NECAB2: variants seen among roughly 807,000 people sequenced by gnomAD.
NECAB2 encodes N-terminal EF-hand calcium binding protein 2.
In NECAB2, 68 loss-of-function variants were observed where a neutral mutation model predicts 51.9. The observed-to-expected ratio is 1.31, with a 90% CI of 1.08 to 1.60. The LOEUF is 1.60. Ranked by LOEUF, NECAB2 falls within the 40% of genes most tolerant of loss-of-function variation. NECAB2 has a pLI of 0.00. For missense variants in NECAB2, 854 were observed against 490.3 expected, an observed-to-expected ratio of 1.74 and a Z score of -7.00; for synonymous variants, 329 against 203.5, an observed-to-expected ratio of 1.62 and a Z score of -5.25.
chr16:83,996,342 G>T (rs2084698453), intron 8 of NECAB2, among the ~76,000 whole-genome samples: 1 of 152,202 alleles, frequency 6.6e-6, no homozygotes, highest in Non-Finnish European at 1.5e-5. Flanking sequence ...CCCTTGCCAG[G>T]ATCAGCTACT....
At chr16:83,966,059 C>G (rs1215015075), upstream of NECAB2, 2 of 1,362,288 alleles carry the variant, frequency 1.5e-6, no homozygotes, top group African/African-American at 2.9e-5. Context: ...GAGATGACCA[C>G]ATCCCTGCTG....
In NECAB2 at chr16:84,002,568, AG is replaced by A; in HGVS notation, c.*227del. The stretch of plus-strand genomic sequence containing the variant: ...AGGTCCTGGTGAAGCCCAAGGTTGA[AG>A]GGGGCGGCTTCCTGGAGCCAGCACC... On this transcript the variant is annotated 3_prime_UTR_variant, in exon 13 of 13. Coordinates refer to ENST00000305202, the MANE Select transcript of NECAB2 (RefSeq NM_019065.3). 1 of 620,130 alleles carries A rather than the reference AG, an allele frequency of 1.6e-6. No individual in the cohort carries two copies. The highest frequency in any genetic ancestry group is 2.8e-6 in the Non-Finnish European group (1 of 355,624). The allele number at this position is 620,130 out of a possible 1,614,324, so 38.4% of individuals were successfully genotyped here.
At chr16:84,001,698 G>A in intron 11 of NECAB2, 127 bp from the exon 12 acceptor site, 2 of 953,742 alleles carry the variant, frequency 2.1e-6, no homozygotes, top group Non-Finnish European at 3.2e-6. Context: ...CAAAGGCTCT[G>A]AGTCCAAAGA....
At chr16:83,975,704 G>T (rs73246949) in intron 2 of NECAB2, among the ~76,000 whole-genome samples, 1,587 of 152,262 alleles carry the variant, frequency 0.01, 24 homozygotes, top group African/African-American at 0.036. Context: ...GCAGAGGGCT[G>T]AGTGGCAGAC....
chr16:84,000,995 C>G (rs1465121509), intron 11 of NECAB2, among the ~76,000 whole-genome samples, 194 bp downstream of exon 11: 3 of 151,772 alleles, frequency 2.0e-5, no homozygotes, highest in African/African-American at 7.3e-5. Flanking sequence ...TAGTGAGAGC[C>G]CCCACCACAC....
At chr16:83,984,051 A>G (rs1161600180) in intron 5 of NECAB2, among the ~76,000 whole-genome samples, 1 of 142,686 alleles carries the variant, frequency 7.0e-6, no homozygotes, top group African/African-American at 2.7e-5. Flanking sequence ...GCTGGAGTGC[A>G]GTGGCACAGT....
In NECAB2 at chr16:83,999,368, G is replaced by A; in HGVS notation, c.962+1051G>A. Among the ~76,000 whole-genome samples, 3 of 152,318 alleles carry A rather than the reference G, an allele frequency of 2.0e-5. No individual in the cohort carries two copies. In the Middle Eastern group the frequency reaches 0.01, roughly 518 times the overall value. Reference sequence around the variant, plus strand: ...TACGTGAATAAGTGGGAGGCTCCAGGGTGAAGTAGGGCCACCCCGATGCGC... The same window carrying A: ...TACGTGAATAAGTGGGAGGCTCCAGAGTGAAGTAGGGCCACCCCGATGCGC... On this transcript the variant is annotated intron_variant, in intron 10 of 12. Coordinates refer to ENST00000305202, the MANE Select transcript of NECAB2 (RefSeq NM_019065.3).
At chr16:83,984,608 T>C (rs567639456) in intron 5 of NECAB2, among the ~76,000 whole-genome samples, 16 of 152,144 alleles carry the variant, frequency 1.1e-4, no homozygotes, top group African/African-American at 3.4e-4. Context: ...GATGTGTCTG[T>C]AGTTCCCACC....
upstream of NECAB2, chr16:83,965,209 G>C (rs1170867469): frequency 4.3e-6 from 7 of 1,612,996 alleles, no homozygotes; most frequent in Non-Finnish European, 5.9e-6. Context: ...GCAGCTGTGG[G>C]GCCCAGGACT....
chr16:83,966,938 G>T (rs1213565402), upstream of NECAB2, among the ~76,000 whole-genome samples: 1 of 151,924 alleles, frequency 6.6e-6, no homozygotes, highest in African/African-American at 2.4e-5. Context: ...GTGCTGTGGC[G>T]CTTGGTTCAC....
chr16:83,990,413 C>T (rs2084607257), intron 5 of NECAB2, 81 bp from the exon 6 acceptor site: 5 of 1,539,238 alleles, frequency 3.2e-6, no homozygotes, highest in Middle Eastern at 3.4e-4. Flanking sequence ...CACCAGCTTT[C>T]CCCCAACTCC....
intron 2 of NECAB2, among the ~76,000 whole-genome samples, chr16:83,972,913 G>C (rs1434218543): frequency 1.3e-5 from 2 of 152,174 alleles, no homozygotes; most frequent in East Asian, 3.9e-4. Flanking sequence ...AAAAATACCA[G>C]AATCATTATT....
At chr16:83,998,969 G>C (rs1327788943) in intron 10 of NECAB2, among the ~76,000 whole-genome samples, 1 of 152,148 alleles carries the variant, frequency 6.6e-6, no homozygotes, top group East Asian at 1.9e-4. Flanking sequence ...TGCTGGTAGT[G>C]GTCCCCCGCC....
upstream of NECAB2, among the ~76,000 whole-genome samples, chr16:83,967,922 ATGGATGGGAGGATGGG>A (rs1177205810): frequency 6.8e-6 from 1 of 146,054 alleles, no homozygotes; most frequent in East Asian, 2.2e-4. Flanking sequence ...GGCCGGATGG[ATGGATGGGAGGATGGG>A]TGGATGGATG....
rs746419906 is a variant in NECAB2, at chr16:84,000,709, C to T, written c.963-15C>T. On this transcript the variant is annotated splice_polypyrimidine_tract_variant and intron_variant, in intron 10 of 12. Coordinates refer to ENST00000305202, the MANE Select transcript of NECAB2 (RefSeq NM_019065.3). ...TGAGCTCCAGCCTCCTCCCCCCGAC[C>T]ATCTCCTGTTGCAGCATCACTGCCG... The T allele has an allele frequency of 6.2e-6, 10 of 1,613,414 alleles. No individual in the cohort carries two copies. In the East Asian group the frequency reaches 1.1e-4, roughly 18 times the overall value.
intron 10 of NECAB2, among the ~76,000 whole-genome samples, chr16:84,000,090 C>A (rs1299336908): frequency 1.3e-5 from 2 of 151,374 alleles, no homozygotes; most frequent in African/African-American, 4.9e-5. Flanking sequence ...CAGTGTTTTG[C>A]CATGTTGGCT....
chr16:83,996,603 A>G (rs2084702756), intron 8 of NECAB2, among the ~76,000 whole-genome samples: 1 of 98,818 alleles, frequency 1.0e-5, no homozygotes, highest in Non-Finnish European at 2.7e-5. Flanking sequence ...CGTCAGGTAG[A>G]CACACTGGGT....
chr16:83,982,939 C>T (rs7193474), intron 5 of NECAB2, among the ~76,000 whole-genome samples: 1 of 151,372 alleles, frequency 6.6e-6, no homozygotes, highest in African/African-American at 2.4e-5. Context: ...TACAATGTCG[C>T]CTCACTGCAA....
In NECAB2 at chr16:83,968,578, G is replaced by A. The variant is rs1313341866; in HGVS notation, c.-71G>A. On this transcript the variant is annotated 5_prime_UTR_variant, in exon 1 of 13. Coordinates refer to ENST00000305202, the MANE Select transcript of NECAB2 (RefSeq NM_019065.3). Reference sequence around the variant, plus strand: ...GCGGCGCGGGCAGCGCGGGGAGGGGGTCGCGCGGGGGCGGGCCGCAGCTGG... The same window carrying A: ...GCGGCGCGGGCAGCGCGGGGAGGGGATCGCGCGGGGGCGGGCCGCAGCTGG... 3 of 966,648 alleles carry A rather than the reference G, an allele frequency of 3.1e-6. No individual in the cohort carries two copies. The highest frequency in any genetic ancestry group is 4.6e-5 in the South Asian group (1 of 21,716). 59.9% of individuals were successfully genotyped at this position (966,648 alleles called of 1,614,324 possible).
Sources: allele counts gnomAD v4.1 joint callset (sites outside exome capture counted in the v4.1 genomes callset), GRCh38; gene constraint gnomAD v4.1.1; transcripts MANE v1.5; gene names NCBI Gene and HGNC (gene_info 2026-07-23, HGNC 2026-07-21).